EPB41L4A: variants seen among roughly 807,000 people sequenced by gnomAD.
EPB41L4A encodes erythrocyte membrane protein band 4.1 like 4A.
A neutral mutation model predicts 108.6 loss-of-function variants in EPB41L4A; 100 were observed. That is an observed-to-expected ratio of 0.92 (90% CI 0.78 to 1.09). EPB41L4A has a LOEUF of 1.09. EPB41L4A is among the 50% of genes least tolerant of loss of function. The probability of loss-of-function intolerance (pLI) is 0.00; values close to 1 mark genes in which losing one functional copy is unlikely to be tolerated. For missense variants in EPB41L4A, 1,030 were observed against 842.7 expected (o/e 1.22, Z -2.75); for synonymous variants, 319 against 289.0 (o/e 1.10, Z -1.05).
At chr5:112,311,650 C>T (rs370490403) in intron 1 of EPB41L4A, among the ~76,000 whole-genome samples, 1 of 152,192 alleles carries the variant, frequency 6.6e-6, no homozygotes, top group Non-Finnish European at 1.5e-5. Context: ...TTCTGGTCCA[C>T]TGAGACCAGA....
chr5:112,272,781 CAA>C (rs35621227), intron 4 of EPB41L4A, among the ~76,000 whole-genome samples: 1 of 90,510 alleles, frequency 1.1e-5, no homozygotes, highest in African/African-American at 4.5e-5. Context: ...AACTCCGTCT[CAA>C]AAAAAAAAAA....
chr5:112,391,056 C>A (rs183831024), intron 1 of EPB41L4A, among the ~76,000 whole-genome samples: 4 of 152,256 alleles, frequency 2.6e-5, no homozygotes, highest in Admixed American at 6.5e-5. Context: ...CACACCAAAG[C>A]CCCAGCTGTA....
intron 1 of EPB41L4A, among the ~76,000 whole-genome samples, chr5:112,348,577 G>T (rs893197894): frequency 1.3e-5 from 2 of 152,160 alleles, no homozygotes; most frequent in Non-Finnish European, 2.9e-5. Flanking sequence ...ACATAGGGAA[G>T]CAGGTGGGGG....
chr5:112,168,973 G>T, intron 21 of EPB41L4A, 22 bp downstream of exon 21: 1 of 1,568,544 alleles, frequency 6.4e-7, no homozygotes, highest in African/African-American at 1.4e-5. Flanking sequence ...TGGTGATGGT[G>T]TACTCTGGCC....
intron 15 of EPB41L4A, among the ~76,000 whole-genome samples, chr5:112,199,520 T>C (rs1762119423): frequency 6.6e-6 from 1 of 152,124 alleles, no homozygotes; most frequent in Non-Finnish European, 1.5e-5. Flanking sequence ...AACAACCTAA[T>C]CTCTATATTT....
chr5:112,310,013 A>G (rs1206748199), intron 1 of EPB41L4A, among the ~76,000 whole-genome samples: 2 of 152,194 alleles, frequency 1.3e-5, no homozygotes, highest in Non-Finnish European at 2.9e-5. Context: ...ATCCTCAGAT[A>G]AGTGCTCAGC....
intron 9 of EPB41L4A, among the ~76,000 whole-genome samples, chr5:112,246,446 G>A (rs1376873296): frequency 6.6e-6 from 1 of 152,126 alleles, no homozygotes; most frequent in African/African-American, 2.4e-5. Context: ...ATTGTGAAAG[G>A]AAATTAAATT....
chr5:112,332,726 G>A (rs557353288), intron 1 of EPB41L4A, among the ~76,000 whole-genome samples: 2 of 152,256 alleles, frequency 1.3e-5, no homozygotes, highest in African/African-American at 4.8e-5. Context: ...CAACAATACA[G>A]TTACAATTAG....
At chr5:112,272,238 G>A (rs767908612) in intron 4 of EPB41L4A, among the ~76,000 whole-genome samples, 2 of 148,922 alleles carry the variant, frequency 1.3e-5, no homozygotes, top group Admixed American at 1.4e-4. Flanking sequence ...GGGTTCAAGC[G>A]ATTCTCCTGC....
chr5:112,418,056 G>A (rs777969539), intron 1 of EPB41L4A, among the ~76,000 whole-genome samples: 6 of 152,148 alleles, frequency 3.9e-5, no homozygotes, highest in Non-Finnish European at 7.4e-5. Context: ...GGGCGGGGGG[G>A]CGGTTTCCCT....
intron 1 of EPB41L4A, among the ~76,000 whole-genome samples, chr5:112,345,206 A>C (rs1329401983): frequency 6.6e-6 from 1 of 152,238 alleles, no homozygotes; most frequent in Non-Finnish European, 1.5e-5. Context: ...TTCTCGAATT[A>C]AAACTGAGTT....
At chr5:112,358,172 G>C (rs1349805345) in intron 1 of EPB41L4A, among the ~76,000 whole-genome samples, 1 of 152,230 alleles carries the variant, frequency 6.6e-6, no homozygotes, top group Admixed American at 6.5e-5. Context: ...CTTGGCAGCA[G>C]ATTGATTATA....
chr5:112,383,917 G>A (rs1299666736), intron 1 of EPB41L4A, among the ~76,000 whole-genome samples: 1 of 152,148 alleles, frequency 6.6e-6, no homozygotes, highest in Non-Finnish European at 1.5e-5. Context: ...AAAGTTAAGT[G>A]TAAAAAAATA....
At chr5:112,350,838 T>A (rs2150730795) in intron 1 of EPB41L4A, among the ~76,000 whole-genome samples, 1 of 152,250 alleles carries the variant, frequency 6.6e-6, no homozygotes, top group South Asian at 2.1e-4. Flanking sequence ...TTCTATTGTT[T>A]ATACATACCA....
At chr5:112,201,583 C>T (rs1195373289) in intron 15 of EPB41L4A, among the ~76,000 whole-genome samples, 1 of 152,208 alleles carries the variant, frequency 6.6e-6, no homozygotes, top group Non-Finnish European at 1.5e-5. Flanking sequence ...TGACAAATTG[C>T]ACTAATTAAT....
intron 2 of EPB41L4A, among the ~76,000 whole-genome samples, chr5:112,282,521 T>C (rs1394928646): frequency 6.6e-6 from 1 of 152,176 alleles, no homozygotes; most frequent in East Asian, 1.9e-4. Context: ...TGTCTTTCTT[T>C]GCTTCAAATT....
chr5:112,398,198 T>C (rs114634278), intron 1 of EPB41L4A, among the ~76,000 whole-genome samples: 13 of 152,260 alleles, frequency 8.5e-5, no homozygotes, highest in Non-Finnish European at 1.8e-4. Context: ...CAATAATCAT[T>C]CAATATATTA....
chr5:112,380,778 G>T (rs1760121156), intron 1 of EPB41L4A, among the ~76,000 whole-genome samples: 1 of 137,344 alleles, frequency 7.3e-6, no homozygotes, highest in African/African-American at 2.8e-5. Context: ...CCCATCCTCT[G>T]CACATCACAC....
At chr5:112,255,853 AC>A (rs529332165) in intron 9 of EPB41L4A, among the ~76,000 whole-genome samples, 112 of 152,172 alleles carry the variant, frequency 7.4e-4, no homozygotes, top group Middle Eastern at 6.8e-3. Context: ...CTCAAATTCA[AC>A]ATGTTCAAAA....
Sources: gnomAD v4.1 joint callset for allele counts (sites outside exome capture counted in the v4.1 genomes callset) on GRCh38, gnomAD v4.1.1 for gene constraint, MANE v1.5 for transcripts, NCBI Gene and HGNC (gene_info 2026-07-23, HGNC 2026-07-21) for gene names.